The following WDHD1 variants were observed in gnomAD, a reference collection of about 807,000 sequenced individuals.
WDHD1 encodes WD repeat and HMG-box DNA-binding protein 1.
A neutral mutation model predicts 135.4 loss-of-function variants in WDHD1; 111 were observed. The observed-to-expected ratio is 0.82, with a 90% confidence interval of 0.70 to 0.96. The LOEUF (loss-of-function observed/expected upper bound fraction) is 0.96. Ranked by LOEUF, WDHD1 falls within the 40% of genes least tolerant of loss-of-function variation. The probability of loss-of-function intolerance (pLI) is 0.00; values close to 1 mark genes in which losing one functional copy is unlikely to be tolerated. For synonymous variants in WDHD1, 434 were observed against 439.0 expected, an observed-to-expected ratio of 0.99 and a Z score of 0.14; for missense variants, 1,351 against 1,336.3, an observed-to-expected ratio of 1.01 and a Z score of -0.17.
chr14:55,002,452 T>C (rs941100163), intron 7 of WDHD1, among the ~76,000 whole-genome samples: 3 of 152,016 alleles, frequency 2.0e-5, no homozygotes, highest in East Asian at 1.9e-4. Context: ...TGTATTTTAA[T>C]TGGCAACTAA....
intron 21 of WDHD1, among the ~76,000 whole-genome samples, chr14:54,959,663 T>TAGGGTG (rs2041217449): frequency 6.6e-6 from 1 of 151,980 alleles, no homozygotes; most frequent in Admixed American, 6.6e-5. Context: ...AGCTACTCAG[T>TAGGGTG]AGGGTGAGGC....
chr14:54,983,958 TAA>T lies in WDHD1; in HGVS notation c.1906+763_1906+764del, dbSNP rs200426794. Among the ~76,000 whole-genome samples, 809 of 152,364 alleles carry T rather than the reference TAA, an allele frequency of 5.3e-3. 11 individuals carry two copies. The highest frequency in any genetic ancestry group is 0.018 in the African/African-American group (765 of 41,584). Reference sequence around the variant, plus strand: ...TTGATTTTTATATCTTTTTTCATGCTAAGTCTTCAAAATCCAGAGTATTTTAC... The same window carrying T: ...TTGATTTTTATATCTTTTTTCATGCTGTCTTCAAAATCCAGAGTATTTTAC... On this transcript the variant is annotated intron_variant, in intron 15 of 25. Transcript: ENST00000360586.
intron 11 of WDHD1, among the ~76,000 whole-genome samples, chr14:54,993,745 C>T (rs572367930): frequency 5.0e-5 from 6 of 118,812 alleles, no homozygotes; most frequent in South Asian, 2.4e-4. Flanking sequence ...ACTCTTCTCA[C>T]TAATTTTTTT....
chr14:54,951,004 A>G (rs1405884062), intron 24 of WDHD1, among the ~76,000 whole-genome samples: 1 of 152,234 alleles, frequency 6.6e-6, no homozygotes, highest in Non-Finnish European at 1.5e-5. Context: ...AGCAGTGTGT[A>G]GAGGGAAATT....
At chr14:54,959,792 C>A (rs549903737) in intron 21 of WDHD1, among the ~76,000 whole-genome samples, 5 of 151,908 alleles carry the variant, frequency 3.3e-5, no homozygotes, top group East Asian at 1.9e-4. Flanking sequence ...GCACCCCCCC[C>A]ACCAAACAAA....
intron 11 of WDHD1, 48 bp from the exon 12 acceptor site, chr14:54,991,448 T>A: frequency 1.3e-6 from 2 of 1,557,084 alleles, no homozygotes; most frequent in Non-Finnish European, 1.8e-6. Context: ...TACCAATGAT[T>A]TGGAAAAAGG....
intron 16 of WDHD1, among the ~76,000 whole-genome samples, chr14:54,972,879 A>C (rs1195317098): frequency 1.3e-5 from 2 of 152,196 alleles, no homozygotes; most frequent in African/African-American, 4.8e-5. Context: ...TAGAAAGACT[A>C]TAATCTATAT....
At chr14:54,946,132 G>A (rs1452946946) in intron 24 of WDHD1, among the ~76,000 whole-genome samples, 2 of 152,124 alleles carry the variant, frequency 1.3e-5, no homozygotes, top group Non-Finnish European at 2.9e-5. Flanking sequence ...TGAAACTTGG[G>A]GCAATGTCAC....
chr14:54,949,774 A>G (rs1189635927), intron 24 of WDHD1, among the ~76,000 whole-genome samples: 1 of 152,280 alleles, frequency 6.6e-6, no homozygotes. Flanking sequence ...AGGGAAGCCC[A>G]TCAGACTAAC....
chr14:54,941,717 GA>G, intron 25 of WDHD1, 27 bp from the exon 26 acceptor site: 1 of 1,566,726 alleles, frequency 6.4e-7, no homozygotes, highest in Non-Finnish European at 8.6e-7. Context: ...GAGTGAAAAG[GA>G]AAGATTTTTA....
intron 18 of WDHD1, among the ~76,000 whole-genome samples, chr14:54,964,575 C>A (rs989544980): frequency 6.6e-6 from 1 of 151,466 alleles, no homozygotes; most frequent in Non-Finnish European, 1.5e-5. Context: ...GGAGGCGGAG[C>A]TTGCAGTGAG....
At chr14:54,946,710 T>C (rs1309002536) in intron 24 of WDHD1, among the ~76,000 whole-genome samples, 1 of 152,146 alleles carries the variant, frequency 6.6e-6, no homozygotes, top group African/African-American at 2.4e-5. Flanking sequence ...CTGGTTCCAA[T>C]CTCCTGGGCT....
At chr14:54,976,075 C>A (rs2041519618) in intron 16 of WDHD1, among the ~76,000 whole-genome samples, 1 of 152,104 alleles carries the variant, frequency 6.6e-6, no homozygotes, top group Non-Finnish European at 1.5e-5. Flanking sequence ...GGATTTCAGC[C>A]AGGATACCAC....
intron 10 of WDHD1, among the ~76,000 whole-genome samples, chr14:55,000,196 G>A (rs947213366): frequency 1.3e-5 from 2 of 151,652 alleles, no homozygotes; most frequent in Non-Finnish European, 2.9e-5. Flanking sequence ...AGTTCTAAGA[G>A]TTAAGGCTAA....
chr14:55,015,501 G>C (rs918028306), intron 2 of WDHD1, among the ~76,000 whole-genome samples: 1 of 149,988 alleles, frequency 6.7e-6, no homozygotes, highest in Non-Finnish European at 1.5e-5. Flanking sequence ...GGTTAAATCT[G>C]TAAAATGACT....
At chr14:55,001,424 C>T (rs2041979068) in intron 8 of WDHD1, among the ~76,000 whole-genome samples, 1 of 152,092 alleles carries the variant, frequency 6.6e-6, no homozygotes, top group Non-Finnish European at 1.5e-5. Flanking sequence ...CCACACATGG[C>T]TAATTTTTTA....
At chr14:54,988,508 T>A (rs2041730110) in intron 13 of WDHD1, among the ~76,000 whole-genome samples, 1 of 152,178 alleles carries the variant, frequency 6.6e-6, no homozygotes, top group African/African-American at 2.4e-5. Flanking sequence ...TACACCTTTG[T>A]CAACTCATCA....
rs568391014 is a variant in WDHD1, at chr14:54,978,168, C to T, written c.2063+3372G>A. Reference sequence around the variant, plus strand: ...TAGTAAAAATCCTCATAGGTTCAAACCTTAACCTACTATTAAGATAGACTG... The same window carrying T: ...TAGTAAAAATCCTCATAGGTTCAAATCTTAACCTACTATTAAGATAGACTG... On this transcript the variant is annotated intron_variant, in intron 16 of 25. Coordinates refer to ENST00000360586, the MANE Select transcript of WDHD1 (RefSeq NM_007086.4). Among the ~76,000 whole-genome samples, 67 of 152,212 alleles carry T rather than the reference C, an allele frequency of 4.4e-4. 1 individual carries two copies. Among genetic ancestry groups the T allele is most frequent in the South Asian group, 1.0e-3 (5 of 4,828 alleles).
chr14:54,946,142 C>G (rs2040920757), intron 24 of WDHD1, among the ~76,000 whole-genome samples: 1 of 152,218 alleles, frequency 6.6e-6, no homozygotes, highest in South Asian at 2.1e-4. Context: ...GGCAATGTCA[C>G]AAGTCTACTT....
Sources: allele counts gnomAD v4.1 joint callset (sites outside exome capture counted in the v4.1 genomes callset), GRCh38; gene constraint gnomAD v4.1.1; transcripts MANE v1.5; gene names NCBI Gene and HGNC (gene_info 2026-07-23, HGNC 2026-07-21).